The following PCDHA1 variants were observed in gnomAD, a reference collection of about 807,000 sequenced individuals.
PCDHA1 encodes protocadherin alpha 1, also known as protocadherin alpha-1.
PCDHA1 carries 42 observed loss-of-function variants against 61.3 expected under a neutral mutation model. The ratio of observed to expected loss-of-function variants is 0.69; its 90% CI spans 0.54 to 0.89. The LOEUF is 0.89. Ranked by LOEUF, PCDHA1 falls within the 40% of genes least tolerant of loss-of-function variation. The probability of loss-of-function intolerance (pLI) is 0.00; values close to 1 mark genes in which losing one functional copy is unlikely to be tolerated. For synonymous variants in PCDHA1, 610 were observed against 553.8 expected (o/e 1.10, Z -1.43); for missense variants, 1,256 against 1,235.3 (o/e 1.02, Z -0.25).
chr5:140,820,673 G>A (rs2150107596), intron 1 of PCDHA1, among the ~76,000 whole-genome samples: 8,895 of 152,040 alleles, frequency 0.059, 862 homozygotes, highest in African/African-American at 0.2. Flanking sequence ...TATAAAGATA[G>A]CCTGGTTAAT....
intron 3 of PCDHA1, among the ~76,000 whole-genome samples, chr5:140,990,741 G>A (rs528078912): frequency 4.3e-4 from 65 of 152,270 alleles, no homozygotes; most frequent in African/African-American, 1.2e-3. Context: ...ACAGCCCTAG[G>A]GTGGATACCT....
intron 1 of PCDHA1, among the ~76,000 whole-genome samples, chr5:140,839,721 T>C (rs2150300331): frequency 6.6e-6 from 1 of 152,184 alleles, no homozygotes; most frequent in East Asian, 1.9e-4. Flanking sequence ...ATTTAAATCA[T>C]TTCACAGAAA....
At chr5:140,791,906 G>C (rs552221949) in intron 1 of PCDHA1, among the ~76,000 whole-genome samples, 1 of 152,044 alleles carries the variant, frequency 6.6e-6, no homozygotes, top group East Asian at 1.9e-4. Flanking sequence ...TAAACGTTAA[G>C]GGATATACAG....
intron 1 of PCDHA1, among the ~76,000 whole-genome samples, chr5:140,846,781 T>C (rs1259185790): frequency 3.3e-5 from 5 of 149,452 alleles, no homozygotes; most frequent in African/African-American, 4.9e-5. Context: ...TCAGGAATTA[T>C]TACTGAGCCC....
chr5:140,793,190 G>A (rs1452257855), intron 1 of PCDHA1, among the ~76,000 whole-genome samples: 2 of 152,202 alleles, frequency 1.3e-5, no homozygotes, highest in Non-Finnish European at 2.9e-5. Context: ...CATTTTGCCA[G>A]CAGATGGGAA....
chr5:140,836,096 T>C (rs2150252750), intron 1 of PCDHA1: 1 of 1,613,590 alleles, frequency 6.2e-7, no homozygotes, highest in Non-Finnish European at 8.5e-7. Flanking sequence ...CTCGGGTGGG[T>C]GGCACTGGTG....
Position 140,787,976 on chromosome 5 carries a change from G to T in PCDHA1, c.1686G>T (p.Ala562=). The T allele has an allele frequency of 6.2e-7, 1 of 1,613,982 alleles. No individual in the cohort carries two copies. Among genetic ancestry groups the T allele is most frequent in the Non-Finnish European group, 8.5e-7 (1 of 1,179,900 alleles). ...TCGTGCTGGACGAGAACGACAACGCGCCGGCGCTGCTGGCGCCTCGAGTGG... is the reference window on the plus strand; with the variant it reads ...TCGTGCTGGACGAGAACGACAACGCTCCGGCGCTGCTGGCGCCTCGAGTGG... ...QVFVLDENDN[A]PALLAPRVGG... The change falls in exon 1 of 4, where the codon GCG becomes GCT. Residue 562 remains alanine (A), a synonymous_variant. Transcript: ENST00000504120.
intron 1 of PCDHA1, among the ~76,000 whole-genome samples, chr5:140,959,390 A>G (rs1554224055): frequency 6.6e-6 from 1 of 152,146 alleles, no homozygotes; most frequent in African/African-American, 2.4e-5. Context: ...AAAAGTCACA[A>G]ATTAAGATAA....
chr5:140,801,291 C>CACT (rs1762674432), intron 1 of PCDHA1: 2 of 1,613,422 alleles, frequency 1.2e-6, no homozygotes, highest in Non-Finnish European at 1.7e-6. Flanking sequence ...CGGCCAGCTC[C>CACT]ACTACTCCGT....
At chr5:140,853,957 G>C in intron 1 of PCDHA1, 1 of 736,982 alleles carries the variant, frequency 1.4e-6, no homozygotes. Flanking sequence ...TCCCTTCCTT[G>C]AGCCCAGCAG....
chr5:141,003,258 G>T (rs1029666608), intron 3 of PCDHA1, among the ~76,000 whole-genome samples: 1 of 152,240 alleles, frequency 6.6e-6, no homozygotes, highest in Admixed American at 6.5e-5. Flanking sequence ...TTCCTGGGCA[G>T]TGCCTAAGGG....
intron 1 of PCDHA1, chr5:140,878,248 C>A (rs1449904760): frequency 6.5e-6 from 1 of 154,860 alleles, no homozygotes; most frequent in African/African-American, 2.4e-5. Flanking sequence ...TTAACTCTTC[C>A]TCACGTGCTT....
chr5:140,849,832 C>G lies in PCDHA1; in HGVS notation c.2394+61148C>G. The G allele has an allele frequency of 6.3e-7, 1 of 1,598,398 alleles. No individual in the cohort carries two copies. The highest frequency in any genetic ancestry group is 1.1e-5 in the South Asian group (1 of 90,532). On this transcript the variant is annotated intron_variant, in intron 1 of 3. Coordinates refer to ENST00000504120, the MANE Select transcript of PCDHA1 (RefSeq NM_018900.4). ...ACGGCCAGGGTGTCTGTGGAGGTGGCCGACGTGAACGACAACGCACCAGCG... is the reference window on the plus strand; with the variant it reads ...ACGGCCAGGGTGTCTGTGGAGGTGGGCGACGTGAACGACAACGCACCAGCG...
chr5:140,877,310 C>A, intron 1 of PCDHA1: 2 of 1,613,938 alleles, frequency 1.2e-6, no homozygotes, highest in Non-Finnish European at 1.7e-6. Context: ...GAGTTGCAAC[C>A]GGCGGCGGTC....
chr5:140,884,174 C>T (rs540874524), intron 1 of PCDHA1: 6 of 1,613,436 alleles, frequency 3.7e-6, no homozygotes, highest in Middle Eastern at 1.7e-4. Flanking sequence ...CACGACGCGC[C>T]CTCTGGACGA....
intron 1 of PCDHA1, chr5:140,829,819 A>G: frequency 6.2e-7 from 1 of 1,613,876 alleles, no homozygotes. Flanking sequence ...CTGGTGGTGC[A>G]GTGAGCGAGC....
rs2066634766 is a variant in PCDHA1, at chr5:140,898,278, G to A, written c.2395-80671G>A. The stretch of plus-strand genomic sequence containing the variant: ...AAGTCCTTGCCCATGCCTAAGTTCT[G>A]AATGGTAATGCCTAGGTTTTCTTCT... On this transcript the variant is annotated intron_variant, in intron 1 of 3. Transcript: ENST00000504120. Among the ~76,000 whole-genome samples, 8 of 152,194 alleles carry A rather than the reference G, an allele frequency of 5.3e-5. No individual in the cohort carries two copies. The South Asian group carries it at 1.7e-3, about 31-fold the overall frequency.
chr5:140,836,311 C>T (rs1774359365), intron 1 of PCDHA1: 4 of 1,613,662 alleles, frequency 2.5e-6, no homozygotes, highest in Admixed American at 3.3e-5. Flanking sequence ...ACGGACGCAC[C>T]GCGCCACCGC....
At chr5:140,847,344 C>T (rs1478232751) in intron 1 of PCDHA1, 1 of 149,742 alleles carries the variant, frequency 6.7e-6, no homozygotes, top group African/African-American at 2.4e-5. Context: ...ACCTCTTAGG[C>T]TGTTATCAGT....
Sources: allele counts gnomAD v4.1 joint callset (sites outside exome capture counted in the v4.1 genomes callset), GRCh38; gene constraint gnomAD v4.1.1; transcripts MANE v1.5; gene names NCBI Gene and HGNC (gene_info 2026-07-23, HGNC 2026-07-21).